The following MAP4K4 variants were observed in gnomAD, a reference collection of about 807,000 sequenced individuals.
MAP4K4 encodes HPK/GCK-like kinase HGK.
In MAP4K4, 38 loss-of-function variants were observed where a neutral mutation model predicts 189.6. The ratio of observed to expected loss-of-function variants is 0.20; its 90% confidence interval spans 0.15 to 0.26. The LOEUF is 0.26. MAP4K4 is among the 10% of genes least tolerant of loss of function. The pLI is 1.00. For synonymous variants in MAP4K4, 610 were observed against 624.3 expected (o/e 0.98, Z 0.34); for missense variants, 1,054 against 1,726.9 (o/e 0.61, Z 6.91).
chr2:101,798,496 A>G (rs1199951327), intron 3 of MAP4K4, among the ~76,000 whole-genome samples: 1 of 152,206 alleles, frequency 6.6e-6, no homozygotes, highest in Non-Finnish European at 1.5e-5. Flanking sequence ...TTTCATGTTG[A>G]AAAGTCTTCA....
chr2:101,867,908 T>TCCTG, intron 20 of MAP4K4, 121 bp from the exon 21 acceptor site: 1 of 946,844 alleles, frequency 1.1e-6, no homozygotes, highest in African/African-American at 1.6e-5. Context: ...AGTTTTCATT[T>TCCTG]CCTGCTTGAA....
At position 101,888,064 on chromosome 2, in the gene MAP4K4, A is replaced by G. The variant is rs892854409; in HGVS notation, c.3931+127A>G. 4.0e-5 allele frequency: 29 copies of G among 717,622 alleles called. No homozygotes were observed. The Admixed American group carries it at 7.8e-4, about 19-fold the overall frequency. 44.5% of individuals were successfully genotyped at this position (717,622 alleles called of 1,614,324 possible). On this transcript the variant is annotated intron_variant, in intron 31 of 32. Transcript: ENST00000324219. ...ACTACCATTGAACAGAGTAGTTGGC[A>G]GTAGATGGTGGAAAGTTAGATTGTA...
chr2:101,877,561 C>T (rs62153662), intron 27 of MAP4K4, among the ~76,000 whole-genome samples: 21,231 of 150,984 alleles, frequency 0.14, 1,600 homozygotes, highest in South Asian at 0.19. Flanking sequence ...CTGCGAGCTC[C>T]GCCTCCCAGG....
intron 11 of MAP4K4, among the ~76,000 whole-genome samples, chr2:101,843,438 G>T (rs1197305789): frequency 2.0e-5 from 3 of 152,108 alleles, no homozygotes; most frequent in African/African-American, 7.2e-5. Flanking sequence ...AATTTCAGAG[G>T]AATTTGAACT....
At position 101,715,172 on chromosome 2, in the gene MAP4K4, G is replaced by A. The variant is rs10432623; in HGVS notation, c.123+16634G>A. Among the ~76,000 whole-genome samples the A allele has an allele frequency of 6.4e-3, 968 of 152,260 alleles. 50 individuals are homozygous for A. In the East Asian group the frequency reaches 0.12, roughly 19 times the overall value. On this transcript the variant is annotated intron_variant, in intron 2 of 32. Transcript: ENST00000324219. Reference sequence around the variant, plus strand: ...AGGCTCCTTTTTCTAATTTGCAAATGGCCACCTTCTTAGCCTTGCCTTTTG... The same window carrying A: ...AGGCTCCTTTTTCTAATTTGCAAATAGCCACCTTCTTAGCCTTGCCTTTTG...
intron 2 of MAP4K4, among the ~76,000 whole-genome samples, chr2:101,728,202 A>G (rs2056603116): frequency 6.6e-6 from 1 of 152,188 alleles, no homozygotes; most frequent in Non-Finnish European, 1.5e-5. Flanking sequence ...TCTCTGCAGC[A>G]TGCTAGCAAG....
chr2:101,842,149 T>G (rs949065864), intron 10 of MAP4K4, among the ~76,000 whole-genome samples: 6 of 152,224 alleles, frequency 3.9e-5, no homozygotes, highest in African/African-American at 1.4e-4. Context: ...CTCCCAGGCT[T>G]TTCTCTCTGC....
chr2:101,702,332 G>A (rs1202285185), intron 2 of MAP4K4, among the ~76,000 whole-genome samples: 1 of 151,992 alleles, frequency 6.6e-6, no homozygotes, highest in Non-Finnish European at 1.5e-5. Flanking sequence ...TTTGAGAGGC[G>A]CAGGTGGGCG....
Position 101,763,428 on chromosome 2 carries a change from A to G in MAP4K4, c.124-27292A>G, listed in dbSNP as rs1259401661. On this transcript the variant is annotated intron_variant, in intron 2 of 32. Coordinates refer to ENST00000324219, the Ensembl canonical transcript of MAP4K4. ...ACTTTGGATACAGTATATACATATC[A>G]TTTTCTTTTGAGCTTTATCTTGATG... is the stretch of plus-strand genomic sequence containing the variant. Among the ~76,000 whole-genome samples the G allele has an allele frequency of 2.0e-5, 3 of 151,986 alleles. No homozygotes were observed. In the East Asian group the frequency reaches 5.8e-4, roughly 29 times the overall value.
intron 3 of MAP4K4, among the ~76,000 whole-genome samples, chr2:101,813,747 C>T (rs1037192682): frequency 3.3e-5 from 5 of 152,154 alleles, no homozygotes; most frequent in African/African-American, 9.7e-5. Flanking sequence ...CCACTTACAT[C>T]GTGGGCTAGA....
intron 5 of MAP4K4, among the ~76,000 whole-genome samples, chr2:101,826,902 T>A (rs2096385087): frequency 6.6e-6 from 1 of 152,064 alleles, no homozygotes; most frequent in Admixed American, 6.6e-5. Flanking sequence ...AAACACCCAC[T>A]CCCTGGCCAT....
In MAP4K4 at chr2:101,834,846, C is replaced by G. The variant is rs565063019; in HGVS notation, c.694+383C>G. The stretch of plus-strand genomic sequence containing the variant: ...TAAGTTTTGACTTTACAAATGGAGG[C>G]AAAACTTTATTGATAGAATAATTTT... On this transcript the variant is annotated intron_variant, in intron 8 of 32. Coordinates refer to ENST00000324219, the Ensembl canonical transcript of MAP4K4. 3.9e-5 allele frequency among the ~76,000 whole-genome samples: 6 copies of G among 152,168 alleles called. No individual in the cohort carries two copies. In the South Asian group the frequency reaches 1.2e-3, roughly 32 times the overall value.
chr2:101,806,781 G>A (rs2094982064), intron 3 of MAP4K4, among the ~76,000 whole-genome samples: 1 of 152,104 alleles, frequency 6.6e-6, no homozygotes, highest in Admixed American at 6.5e-5. Context: ...AAGACTCCCT[G>A]GTTATTTTTT....
intron 2 of MAP4K4, among the ~76,000 whole-genome samples, chr2:101,740,151 C>CTTT (rs71250687): frequency 0.29 from 25,468 of 87,018 alleles, 5,189 homozygotes; most frequent in East Asian, 0.45. Flanking sequence ...TTTATATCAT[C>CTTT]TTTTTTTTTT....
chr2:101,795,920 A>G (rs1378081836), intron 3 of MAP4K4, among the ~76,000 whole-genome samples: 2 of 152,216 alleles, frequency 1.3e-5, no homozygotes, highest in Non-Finnish European at 2.9e-5. Context: ...TAAAATAGAC[A>G]TGGAGGGGAG....
chr2:101,867,250 G>C (rs1487853051), exon 20 of MAP4K4: 3 of 1,607,182 alleles, frequency 1.9e-6, no homozygotes, highest in Non-Finnish European at 2.5e-6. Context: ...TCAGCGCCTG[G>C]AAAATGCAGT....
chr2:101,767,484 TC>T (rs1363661844), intron 2 of MAP4K4, among the ~76,000 whole-genome samples: 4 of 152,232 alleles, frequency 2.6e-5, no homozygotes, highest in Non-Finnish European at 1.5e-5. Context: ...CAAAGACTCT[TC>T]CTTCTGTATG....
intron 2 of MAP4K4, among the ~76,000 whole-genome samples, chr2:101,749,128 A>G (rs1159914420): frequency 1.3e-5 from 2 of 150,148 alleles, no homozygotes; most frequent in African/African-American, 4.9e-5. Flanking sequence ...CAAGCTACCA[A>G]TGCCTTTCTT....
chr2:101,785,175 G>A lies in MAP4K4; in HGVS notation c.124-5545G>A, dbSNP rs375042664. Reference sequence around the variant, plus strand: ...CTTCTGTGTTTATTTACCTTACATAGTATCATAAACATCATAAATTTTCCT... The same window carrying A: ...CTTCTGTGTTTATTTACCTTACATAATATCATAAACATCATAAATTTTCCT... On this transcript the variant is annotated intron_variant, in intron 2 of 32. Transcript: ENST00000324219. 3.3e-4 allele frequency among the ~76,000 whole-genome samples: 51 copies of A among 152,268 alleles called. 1 individual carries two copies. The East Asian group carries it at 6.4e-3, about 19-fold the overall frequency.
Sources: gnomAD v4.1 joint callset for allele counts (sites outside exome capture counted in the v4.1 genomes callset) on GRCh38, gnomAD v4.1.1 for gene constraint, MANE v1.5 for transcripts, NCBI Gene and HGNC (gene_info 2026-07-23, HGNC 2026-07-21) for gene names.